NHLRC3: variants seen among roughly 807,000 people sequenced by gnomAD.
The protein encoded by NHLRC3 is NHL repeat containing 3, also known as NHL repeat-containing protein 3.
Under a neutral mutation model 32.0 loss-of-function variants are expected in NHLRC3, and 23 were observed. The ratio of observed to expected loss-of-function variants is 0.72; its 90% CI spans 0.52 to 1.02. The LOEUF (loss-of-function observed/expected upper bound fraction) is 1.02, where lower values mean the gene tolerates loss of function less well. Ranked by LOEUF, NHLRC3 falls within the 50% of genes least tolerant of loss-of-function variation. The pLI is 0.00. For synonymous variants in NHLRC3, 159 were observed against 147.9 expected (o/e 1.08, Z -0.55); for missense variants, 407 against 406.8 (o/e 1.00, Z -0.01).
intron 6 of NHLRC3, 97 bp downstream of exon 6, chr13:39,047,249 T>A: frequency 1.5e-6 from 1 of 686,440 alleles, no homozygotes; most frequent in Non-Finnish European, 2.5e-6. Context: ...TATTTATTGT[T>A]AATTTTGAAT....
rs555451248 is a variant in NHLRC3, at chr13:39,046,323, AAT to A, written c.679-715_679-714del. On this transcript the variant is annotated intron_variant, in intron 5 of 6. Transcript: ENST00000379600. ...GACAGAGCGAGACTCCATCTCAAAAAATAAAAAAAACCATTTCCCTTTATGCT... is the reference window on the plus strand; with the variant it reads ...GACAGAGCGAGACTCCATCTCAAAAAAAAAAAAACCATTTCCCTTTATGCT... 3.4e-4 allele frequency among the ~76,000 whole-genome samples: 51 copies of A among 151,972 alleles called. No individual in the cohort carries two copies. In the East Asian group the frequency reaches 8.9e-3, roughly 27 times the overall value.
At chr13:39,043,925 C>A (rs78586670) in intron 4 of NHLRC3, among the ~76,000 whole-genome samples, 165 bp from the exon 5 acceptor site, 2 of 151,510 alleles carry the variant, frequency 1.3e-5, no homozygotes, top group Non-Finnish European at 1.5e-5. Flanking sequence ...AAAAAAAAAA[C>A]TGTAAGAAAT....
chr13:39,038,423 C>A, upstream of NHLRC3: 1 of 578,560 alleles, frequency 1.7e-6, no homozygotes, highest in Admixed American at 3.0e-5. Context: ...CCGAAATGCA[C>A]ACGAAGTCCG....
chr13:39,039,703 T>C lies in NHLRC3; in HGVS notation c.377T>C (p.Val126Ala). 1 of 1,610,388 alleles carries C rather than the reference T, an allele frequency of 6.2e-7. No homozygotes were observed. The highest frequency in any genetic ancestry group is 8.5e-7 in the Non-Finnish European group (1 of 1,176,720). The change falls in exon 3 of 7, where the codon GTA becomes GCA. Residue 126 changes from valine (V) to alanine (A), a missense_variant. By Grantham distance (64) the Val-to-Ala change is moderately conservative. Transcript: ENST00000379600. ...LYEQSVWITDVGSGFFGHTVK... is the reference protein window; with the variant it reads ...LYEQSVWITDAGSGFFGHTVK... ...GAACAATCCGTCTGGATCACGGATGTAGGAAGTGGTATGTATAGTAATATC... is the reference window on the plus strand; with the variant it reads ...GAACAATCCGTCTGGATCACGGATGCAGGAAGTGGTATGTATAGTAATATC...
At chr13:39,039,484 G>C (rs1871365955) in intron 2 of NHLRC3, 80 bp from the exon 3 acceptor site, 3 of 1,328,692 alleles carry the variant, frequency 2.3e-6, no homozygotes, top group Non-Finnish European at 2.1e-6. Flanking sequence ...AAAATTCTCA[G>C]TTATTTTTTT....
chr13:39,043,698 G>T (rs191775930), intron 4 of NHLRC3, among the ~76,000 whole-genome samples: 2 of 152,260 alleles, frequency 1.3e-5, no homozygotes, highest in Admixed American at 1.3e-4. Flanking sequence ...ACCCACCGTA[G>T]TGCGTAATAA....
At chr13:39,042,062 T>C (rs1221987047) in intron 3 of NHLRC3, 43 bp from the exon 4 acceptor site, 7 of 1,167,322 alleles carry the variant, frequency 6.0e-6, no homozygotes, top group Non-Finnish European at 8.9e-6. Context: ...TGAATGTTTG[T>C]ATAGTGGTTT....
chr13:39,045,931 C>T (rs1313647944), intron 5 of NHLRC3, among the ~76,000 whole-genome samples: 1 of 152,092 alleles, frequency 6.6e-6, no homozygotes, highest in African/African-American at 2.4e-5. Flanking sequence ...TCCACAAACC[C>T]AAGAAATCCA....
chr13:39,046,251 G>T (rs1871671395), intron 5 of NHLRC3, among the ~76,000 whole-genome samples: 1 of 152,112 alleles, frequency 6.6e-6, no homozygotes, highest in Admixed American at 6.5e-5. Context: ...CCCGGGAGGC[G>T]GAGCTTGCAG....
At chr13:39,039,026 C>G (rs1359083982) in intron 1 of NHLRC3, 110 bp from the exon 2 acceptor site, 2 of 867,538 alleles carry the variant, frequency 2.3e-6, no homozygotes, top group South Asian at 1.7e-5. Flanking sequence ...CAGCAAACTT[C>G]TAGTTGTCAA....
At position 39,046,789 on chromosome 13, in the gene NHLRC3, C is replaced by A. The variant is rs530809180; in HGVS notation, c.679-251C>A. 2.6e-5 allele frequency among the ~76,000 whole-genome samples: 4 copies of A among 152,270 alleles called. No individual in the cohort carries two copies. The East Asian group carries it at 7.7e-4, about 29-fold the overall frequency. ...TTTTTAGTTATTCACACATTTAGAA[C>A]AGTAGACAGAGTATTATAAGCTTTG... On this transcript the variant is annotated intron_variant, in intron 5 of 6. Transcript: ENST00000379600.
At chr13:39,042,393 A>G (rs1871501156) in intron 4 of NHLRC3, 88 bp downstream of exon 4, 1 of 824,924 alleles carries the variant, frequency 1.2e-6, no homozygotes, top group African/African-American at 1.7e-5. Flanking sequence ...AGTGTTGTGT[A>G]TGAAGCGGTG....
At position 39,047,768 on chromosome 13, in the gene NHLRC3, T is replaced by C. The variant is rs535912140; in HGVS notation, c.886T>C (p.Cys296Arg). ...AAPPVGSIGECSVISTIQLAD... is the reference protein window; with the variant it reads ...AAPPVGSIGERSVISTIQLAD... ...ACCCCCAGTGGGAAGCATTGGGGAG[T>C]GTTCTGTGATCAGCACAATCCAACT... The change falls in exon 7 of 7, where the codon TGT becomes CGT. Residue 296 changes from cysteine (C) to arginine (R), a missense_variant. Coordinates refer to ENST00000379600, the MANE Select transcript of NHLRC3 (RefSeq NM_001012754.4). 2.5e-6 allele frequency: 4 copies of C among 1,613,960 alleles called. No individual in the cohort carries two copies. The South Asian group carries it at 4.4e-5, about 18-fold the overall frequency.
Position 39,049,906 on chromosome 13 carries a change from C to T in NHLRC3, c.*1980C>T, listed in dbSNP as rs1593556806. On this transcript the variant is annotated 3_prime_UTR_variant, in exon 7 of 7. Transcript: ENST00000379600. The stretch of plus-strand genomic sequence containing the variant: ...TTATATCAGAGTCTTATAAAACCTG[C>T]TGCAAATATTTCTGAATGTCTTTGT... 1 of 152,134 alleles carries T rather than the reference C, an allele frequency of 6.6e-6. No individual in the cohort carries two copies. Among genetic ancestry groups the T allele is most frequent in the South Asian group, 2.1e-4 (1 of 4,830 alleles). 9.4% of individuals were successfully genotyped at this position (152,134 alleles called of 1,614,324 possible). A position where few individuals can be genotyped will look rare whatever the true frequency, so the allele number is the denominator to read the frequency against.
rs1405235604 is a variant in NHLRC3, at chr13:39,042,690, C to G, written c.586+385C>G. The stretch of plus-strand genomic sequence containing the variant: ...ATTGAGTGCCCTTTCTGTGTCCTCT[C>G]TAGTATCAGGAGGTGCAGATCTATT... On this transcript the variant is annotated intron_variant, in intron 4 of 6. Coordinates refer to ENST00000379600, the MANE Select transcript of NHLRC3 (RefSeq NM_001012754.4). Among the ~76,000 whole-genome samples the G allele has an allele frequency of 2.6e-5, 4 of 152,186 alleles. No homozygotes were observed. The South Asian group carries it at 6.2e-4, about 24-fold the overall frequency.
intron 1 of NHLRC3, 58 bp downstream of exon 1, chr13:39,038,781 G>A: frequency 1.4e-6 from 2 of 1,380,952 alleles, no homozygotes; most frequent in Non-Finnish European, 2.1e-6. Context: ...GTTGGGAGGC[G>A]TCGCCACGGT....
chr13:39,038,385 C>A (rs1393529572), upstream of NHLRC3: 1 of 540,984 alleles, frequency 1.8e-6, no homozygotes, highest in Non-Finnish European at 3.3e-6. Flanking sequence ...TGGGTCAGCC[C>A]GAAGCACCTG....
rs778069617 is a variant in NHLRC3, at chr13:39,039,157, G to A, written c.106G>A (p.Ala36Thr). 2 of 1,456,462 alleles carry A rather than the reference G, an allele frequency of 1.4e-6. No individual in the cohort carries two copies. Among genetic ancestry groups the A allele is most frequent in the East Asian group, 6.1e-5 (2 of 32,766 alleles). The allele number at this position is 1,456,462 out of a possible 1,614,324, so 90.2% of individuals were successfully genotyped here. A position where few individuals can be genotyped will look rare whatever the true frequency, so the allele number is the denominator to read the frequency against. ...GSPVLRNFTFAVSWRTEKILY... is the reference protein window; with the variant it reads ...GSPVLRNFTFTVSWRTEKILY... The stretch of plus-strand genomic sequence containing the variant: ...TAAGGTTTTGAGGAACTTTACTTTT[G>A]CAGTTTCCTGGAGAACTGAGAAAAT... Residue 36 changes from alanine (A) to threonine (T), a missense_variant, in exon 2 of 7, where the codon GCA (alanine) becomes ACA (threonine). By Grantham distance (58) the Ala-to-Thr change is moderately conservative. Transcript: ENST00000379600.
rs551241936 is a variant in NHLRC3, at chr13:39,044,893, A to G, written c.678+712A>G. 5.3e-4 allele frequency among the ~76,000 whole-genome samples: 81 copies of G among 152,330 alleles called. 1 individual carries two copies. The South Asian group carries it at 0.017, about 31-fold the overall frequency. On this transcript the variant is annotated intron_variant, in intron 5 of 6. Coordinates refer to ENST00000379600, the MANE Select transcript of NHLRC3 (RefSeq NM_001012754.4). ...GCCTGTACTTCGTATCATAGTAACT[A>G]TCATGCTATATTATAATCATTTGTC...
Sources: allele counts gnomAD v4.1 joint callset (sites outside exome capture counted in the v4.1 genomes callset), GRCh38; gene constraint gnomAD v4.1.1; transcripts MANE v1.5; gene names NCBI Gene and HGNC (gene_info 2026-07-23, HGNC 2026-07-21).